The following LTBP1 variants were observed in gnomAD, a reference collection of about 807,000 sequenced individuals.
The protein encoded by LTBP1 is latent-transforming growth factor beta-binding protein 1.
A neutral mutation model predicts 207.6 loss-of-function variants in LTBP1; 129 were observed. That is an observed-to-expected ratio of 0.62 (90% CI 0.54 to 0.72). The LOEUF (loss-of-function observed/expected upper bound fraction) is 0.72, where lower values mean the gene tolerates loss of function less well. LTBP1 is among the 30% of genes least tolerant of loss of function. LTBP1 has a pLI of 0.00. For missense variants in LTBP1, 2,281 were observed against 2,217.2 expected, an observed-to-expected ratio of 1.03 and a Z score of -0.58; for synonymous variants, 963 against 833.7, an observed-to-expected ratio of 1.16 and a Z score of -2.67.
intron 2 of LTBP1, among the ~76,000 whole-genome samples, chr2:32,957,141 TC>T (rs1386723596): frequency 6.6e-6 from 1 of 152,234 alleles, no homozygotes; most frequent in Admixed American, 6.5e-5. Context: ...AGCTTTGGCT[TC>T]AACTTAAAGT....
At chr2:33,190,507 G>C (rs1573071515) in intron 7 of LTBP1, among the ~76,000 whole-genome samples, 2 of 152,188 alleles carry the variant, frequency 1.3e-5, no homozygotes, top group Non-Finnish European at 2.9e-5. Flanking sequence ...CAGCATATGG[G>C]AATGGAAAGA....
intron 26 of LTBP1, among the ~76,000 whole-genome samples, chr2:33,348,514 CT>C (rs1216106622): frequency 2.0e-5 from 3 of 152,092 alleles, no homozygotes; most frequent in African/African-American, 7.2e-5. Context: ...AAAGAAGAGA[CT>C]TTTCATTTTA....
At chr2:33,083,016 T>C (rs2078534784) in intron 3 of LTBP1, among the ~76,000 whole-genome samples, 1 of 152,028 alleles carries the variant, frequency 6.6e-6, no homozygotes, top group African/African-American at 2.4e-5. Context: ...CCTGCCAAGC[T>C]CCACCACAAA....
intron 4 of LTBP1, among the ~76,000 whole-genome samples, chr2:33,123,912 A>C (rs1438702212): frequency 6.6e-6 from 1 of 152,208 alleles, no homozygotes; most frequent in African/African-American, 2.4e-5. Context: ...AAAATTACAG[A>C]AATCAATCTT....
Position 33,315,138 on chromosome 2 carries a change from T to G in LTBP1, c.3605-6T>G, listed in dbSNP as rs1273363446. The G allele has an allele frequency of 6.3e-7, 1 of 1,591,768 alleles. No homozygotes were observed. ...CAAGTTTTTAAGACTCTATTTTAAA[T>G]TACAGATATTAATGAATGTGAACAT... On this transcript the variant is annotated splice_polypyrimidine_tract_variant and splice_region_variant and intron_variant, in intron 23 of 33. Transcript: ENST00000404816.
chr2:33,269,144 CATG>C (rs2093258002), intron 15 of LTBP1, among the ~76,000 whole-genome samples: 1 of 152,050 alleles, frequency 6.6e-6, no homozygotes, highest in African/African-American at 2.4e-5. Context: ...CAGGGAATCA[CATG>C]ATGAAGAAAA....
At chr2:33,139,237 A>G (rs2082434686) in intron 5 of LTBP1, among the ~76,000 whole-genome samples, 2 of 152,066 alleles carry the variant, frequency 1.3e-5, no homozygotes, top group African/African-American at 4.8e-5. Flanking sequence ...ATTGGCAAAT[A>G]TGAGCCCTGT....
In LTBP1 at chr2:32,947,609, G is replaced by T; in HGVS notation, c.285G>T (p.Leu95=). Residue 95 remains leucine (L), a synonymous_variant, in exon 1 of 34, where the codon CTG becomes CTT. Transcript: ENST00000404816. ...CGAGCAAGCCGGGCGGCGCGGCCCTGCAGGGGCTCAGACCGCCGCCGCCGC... is the reference window on the plus strand; with the variant it reads ...CGAGCAAGCCGGGCGGCGCGGCCCTTCAGGGGCTCAGACCGCCGCCGCCGC... ...RRTSKPGGAA[L]QGLRPPPPPP... The T allele has an allele frequency of 7.5e-7, 1 of 1,333,702 alleles. No individual in the cohort carries two copies. Among genetic ancestry groups the T allele is most frequent in the South Asian group, 2.0e-5 (1 of 50,460 alleles). The allele number at this position is 1,333,702 out of a possible 1,614,324, so 82.6% of individuals were successfully genotyped here.
chr2:33,029,661 T>C (rs564715357), intron 3 of LTBP1, among the ~76,000 whole-genome samples: 1 of 152,328 alleles, frequency 6.6e-6, no homozygotes, highest in South Asian at 2.1e-4. Context: ...GAGTCATGAC[T>C]TGAACCCAGG....
chr2:33,016,380 T>C (rs1218954233), intron 2 of LTBP1, among the ~76,000 whole-genome samples: 1 of 152,214 alleles, frequency 6.6e-6, no homozygotes, highest in Non-Finnish European at 1.5e-5. Context: ...TTTAGAAGAC[T>C]AGTCTGTCCG....
chr2:33,277,749 A>AT (rs72478622), intron 18 of LTBP1, among the ~76,000 whole-genome samples: 28 of 112,144 alleles, frequency 2.5e-4, no homozygotes, highest in Middle Eastern at 5.0e-3. Flanking sequence ...TCAAATACTG[A>AT]TTTTTTTTTC....
At chr2:33,391,073 C>CTT (rs397968517) in intron 32 of LTBP1, among the ~76,000 whole-genome samples, 11,288 of 145,280 alleles carry the variant, frequency 0.078, 587 homozygotes, top group African/African-American at 0.14. Context: ...TCCCCTCCAC[C>CTT]TTTTTTTTTT....
intron 13 of LTBP1, among the ~76,000 whole-genome samples, chr2:33,261,282 A>G (rs1359094305): frequency 1.3e-5 from 2 of 152,202 alleles, no homozygotes; most frequent in Non-Finnish European, 2.9e-5. Context: ...TTAACACCTG[A>G]TCCTGGTCTG....
At chr2:33,145,700 A>G (rs542524831) in intron 5 of LTBP1, among the ~76,000 whole-genome samples, 1 of 152,340 alleles carries the variant, frequency 6.6e-6, no homozygotes, top group South Asian at 2.1e-4. Flanking sequence ...TGAGAATCCC[A>G]TAGCGTGCCC....
At chr2:33,028,131 GAC>G (rs2075518795) in intron 3 of LTBP1, among the ~76,000 whole-genome samples, 1 of 152,246 alleles carries the variant, frequency 6.6e-6, no homozygotes, top group Admixed American at 6.5e-5. Context: ...AGGTGGGAGA[GAC>G]AAGGACAGAG....
intron 4 of LTBP1, among the ~76,000 whole-genome samples, chr2:33,125,633 C>G (rs1186647192): frequency 6.6e-6 from 1 of 151,910 alleles, no homozygotes; most frequent in Non-Finnish European, 1.5e-5. Context: ...GACTTCGAGA[C>G]CAGCCTGGCC....
intron 3 of LTBP1, among the ~76,000 whole-genome samples, chr2:33,090,373 G>A (rs2079008368): frequency 6.6e-6 from 1 of 152,130 alleles, no homozygotes; most frequent in South Asian, 2.1e-4. Flanking sequence ...TCATAATGGG[G>A]ATCTGATGTA....
chr2:33,076,264 G>T (rs1263991576), intron 3 of LTBP1, among the ~76,000 whole-genome samples: 1 of 152,152 alleles, frequency 6.6e-6, no homozygotes, highest in African/African-American at 2.4e-5. Flanking sequence ...GGTAGGGTAT[G>T]GCAATGGGGC....
intron 2 of LTBP1, among the ~76,000 whole-genome samples, chr2:33,015,231 CTT>C (rs1475377539): frequency 7.2e-5 from 11 of 152,158 alleles, no homozygotes; most frequent in Admixed American, 5.9e-4. Flanking sequence ...TCACTGCAGA[CTT>C]TGTGTCTTTG....
Sources: gnomAD v4.1 joint callset for allele counts (sites outside exome capture counted in the v4.1 genomes callset) on GRCh38, gnomAD v4.1.1 for gene constraint, MANE v1.5 for transcripts, NCBI Gene and HGNC (gene_info 2026-07-23, HGNC 2026-07-21) for gene names.